The following SEL1L3 variants were observed in gnomAD, a reference collection of about 807,000 sequenced individuals.
SEL1L3 encodes the protein SEL1L family member 3, also known as protein sel-1 homolog 3.
SEL1L3 carries 76 observed loss-of-function variants against 142.8 expected under a neutral mutation model. The ratio of observed to expected loss-of-function variants is 0.53; its 90% CI spans 0.44 to 0.64. The LOEUF (loss-of-function observed/expected upper bound fraction) is 0.64, where lower values mean the gene tolerates loss of function less well. Among genes scored for constraint, SEL1L3 ranks in the 30% least tolerant of loss-of-function variants. The probability of loss-of-function intolerance (pLI) is 0.00; values close to 1 mark genes in which losing one functional copy is unlikely to be tolerated. For missense variants in SEL1L3, 1,262 were observed against 1,381.7 expected (o/e 0.91, Z 1.37); for synonymous variants, 504 against 519.6 (o/e 0.97, Z 0.41).
intron 11 of SEL1L3, among the ~76,000 whole-genome samples, chr4:25,793,616 C>T (rs958365696): frequency 3.9e-5 from 6 of 152,062 alleles, no homozygotes; most frequent in Non-Finnish European, 7.4e-5. Flanking sequence ...ATTAAGAGCA[C>T]AATTTTTCAT....
chr4:25,733,719 C>T, the SEL1L3 span, among the ~76,000 whole-genome samples: 3 of 152,104 alleles, frequency 2.0e-5, no homozygotes, highest in African/African-American at 7.2e-5. Context: ...CGGGGTTTCA[C>T]TATGACTGGT....
At chr4:25,858,248 G>A (rs1388874788) in intron 1 of SEL1L3, among the ~76,000 whole-genome samples, 1 of 152,228 alleles carries the variant, frequency 6.6e-6, no homozygotes, top group African/African-American at 2.4e-5. Flanking sequence ...CATGGCTTGG[G>A]AAATTTTAGG....
chr4:25,844,510 T>C (rs1246716233), intron 2 of SEL1L3, among the ~76,000 whole-genome samples: 2 of 152,186 alleles, frequency 1.3e-5, no homozygotes, highest in African/African-American at 4.8e-5. Flanking sequence ...CACTGTGCTG[T>C]TCCTAAGCCT....
At chr4:25,723,844 CAG>C in the SEL1L3 span, among the ~76,000 whole-genome samples, 2 of 152,146 alleles carry the variant, frequency 1.3e-5, no homozygotes, top group African/African-American at 2.4e-5. Context: ...CAATAAATAA[CAG>C]TGAACTTGAA....
chr4:25,820,370 G>A (rs950924755), intron 7 of SEL1L3, among the ~76,000 whole-genome samples: 4 of 152,224 alleles, frequency 2.6e-5, no homozygotes, highest in Non-Finnish European at 5.9e-5. Flanking sequence ...CATGGCTTCA[G>A]GACAGGCCCC....
Position 25,779,192 on chromosome 4 carries a change from A to G in SEL1L3, c.2469T>C (p.Gly823=), listed in dbSNP as rs780238312. ...GVPGRNQTLA[G]EYFHKAAQGG... ...CTTGCGCAGCCTTATGGAAATATTCACCAGCTAAAGTCTGTAACAAGAGAT... is the reference window on the plus strand; with the variant it reads ...CTTGCGCAGCCTTATGGAAATATTCGCCAGCTAAAGTCTGTAACAAGAGAT... The change falls in exon 16 of 24, where the codon GGT becomes GGC. Residue 823 remains glycine (G), a synonymous_variant. Transcript: ENST00000399878. 3 of 1,613,344 alleles carry G rather than the reference A, an allele frequency of 1.9e-6. No individual in the cohort carries two copies. The South Asian group carries it at 3.3e-5, about 18-fold the overall frequency.
intron 23 of SEL1L3, among the ~76,000 whole-genome samples, chr4:25,750,954 T>G (rs1311079487): frequency 6.6e-6 from 1 of 152,250 alleles, no homozygotes; most frequent in African/African-American, 2.4e-5. Flanking sequence ...CTAGCAGTTC[T>G]GCAAATCTTG....
the SEL1L3 span, among the ~76,000 whole-genome samples, chr4:25,742,425 A>G: frequency 7.2e-4 from 110 of 151,982 alleles, 4 homozygotes; most frequent in East Asian, 0.019. Context: ...CACTCAAGCA[A>G]TCTTGGTGCA....
chr4:25,754,351 C>CTT (rs34663888), intron 23 of SEL1L3, among the ~76,000 whole-genome samples: 2 of 142,668 alleles, frequency 1.4e-5, no homozygotes, highest in African/African-American at 2.6e-5. Context: ...TTATTGACAA[C>CTT]TTTTTTTTTT....
intron 5 of SEL1L3, among the ~76,000 whole-genome samples, chr4:25,832,469 A>G (rs1330459358): frequency 2.0e-5 from 3 of 152,260 alleles, no homozygotes; most frequent in Admixed American, 2.0e-4. Flanking sequence ...TTTATACTAC[A>G]AAGTAGATAA....
Position 25,841,018 on chromosome 4 carries a change from C to CTT in SEL1L3, c.734-5697_734-5696dup, listed in dbSNP as rs574751879. On this transcript the variant is annotated intron_variant, in intron 2 of 23. Coordinates refer to ENST00000399878, the MANE Select transcript of SEL1L3 (RefSeq NM_015187.5). ...AAAGCTCAATGTCCTTCTTTCATTCCTTTTTTTTTTTTCCTTCTTCTTCTC... is the reference window on the plus strand; with the variant it reads ...AAAGCTCAATGTCCTTCTTTCATTCCTTTTTTTTTTTTTTCCTTCTTCTTCTC... Among the ~76,000 whole-genome samples, 36 of 146,336 alleles carry CTT rather than the reference C, an allele frequency of 2.5e-4. No individual in the cohort carries two copies. In the East Asian group the frequency reaches 6.1e-3, roughly 25 times the overall value.
Position 25,836,107 on chromosome 4 carries a change from A to G in SEL1L3, c.734-784T>C, listed in dbSNP as rs532000808. ...TAAATTCAACATACTACCCTACATAAAAATTACTAACCATATACCTTAACA... is the reference window on the plus strand; with the variant it reads ...TAAATTCAACATACTACCCTACATAGAAATTACTAACCATATACCTTAACA... On this transcript the variant is annotated intron_variant, in intron 2 of 23. Coordinates refer to ENST00000399878, the MANE Select transcript of SEL1L3 (RefSeq NM_015187.5). Among the ~76,000 whole-genome samples, 12 of 152,296 alleles carry G rather than the reference A, an allele frequency of 7.9e-5. No homozygotes were observed. The South Asian group carries it at 2.3e-3, about 29-fold the overall frequency.
intron 11 of SEL1L3, among the ~76,000 whole-genome samples, chr4:25,792,642 A>G (rs1403703407): frequency 6.6e-6 from 1 of 152,128 alleles, no homozygotes. Context: ...CTAGTTTTGA[A>G]CCTAGGTCTT....
intron 2 of SEL1L3, among the ~76,000 whole-genome samples, chr4:25,840,293 A>C (rs1427394607): frequency 3.3e-5 from 5 of 150,912 alleles, no homozygotes; most frequent in Admixed American, 6.6e-5. Context: ...AACTGGAAAA[A>C]AAGGAACTAG....
chr4:25,826,121 A>G (rs1374801954), intron 6 of SEL1L3, among the ~76,000 whole-genome samples: 1 of 152,174 alleles, frequency 6.6e-6, no homozygotes, highest in Non-Finnish European at 1.5e-5. Context: ...CCATGAAGGC[A>G]GAGTCTGTAT....
chr4:25,826,629 G>C (rs1368203750), intron 6 of SEL1L3, among the ~76,000 whole-genome samples: 1 of 152,112 alleles, frequency 6.6e-6, no homozygotes, highest in African/African-American at 2.4e-5. Flanking sequence ...GTGGTGGGGA[G>C]GGGCACTCCT....
the SEL1L3 span, among the ~76,000 whole-genome samples, chr4:25,734,336 G>A: frequency 4.0e-3 from 604 of 152,054 alleles, 8 homozygotes; most frequent in African/African-American, 0.014. Flanking sequence ...ATGAGCCACC[G>A]TGCCCAGCCT....
intron 1 of SEL1L3, among the ~76,000 whole-genome samples, chr4:25,856,401 T>G (rs774122957): frequency 4.6e-5 from 7 of 152,230 alleles, no homozygotes; most frequent in Non-Finnish European, 1.0e-4. Flanking sequence ...GCAGCTACAA[T>G]AGATGTTCCA....
chr4:25,857,685 T>C (rs138440124), intron 1 of SEL1L3, among the ~76,000 whole-genome samples: 235 of 152,332 alleles, frequency 1.5e-3, no homozygotes, highest in Non-Finnish European at 2.7e-3. Context: ...CAAATCCACA[T>C]TGGCTGACTC....
Sources: allele counts gnomAD v4.1 joint callset (sites outside exome capture counted in the v4.1 genomes callset), GRCh38; gene constraint gnomAD v4.1.1; transcripts MANE v1.5; gene names NCBI Gene and HGNC (gene_info 2026-07-23, HGNC 2026-07-21).